STK39: variants seen among roughly 807,000 people sequenced by gnomAD.
The protein encoded by STK39 is serine/threonine kinase 39.
A neutral mutation model predicts 77.8 loss-of-function variants in STK39; 20 were observed. The ratio of observed to expected loss-of-function variants is 0.26; its 90% confidence interval spans 0.18 to 0.37. The LOEUF is 0.37. STK39 is among the 10% of genes least tolerant of loss of function. STK39 has a pLI of 1.00. For synonymous variants in STK39, 246 were observed against 234.1 expected (o/e 1.05, Z -0.47); for missense variants, 479 against 656.5 (o/e 0.73, Z 2.95).
chr2:168,225,703 C>T (rs983337024), intron 1 of STK39, among the ~76,000 whole-genome samples: 6 of 152,112 alleles, frequency 3.9e-5, no homozygotes, highest in Non-Finnish European at 7.4e-5. Flanking sequence ...AAAGAAAGTA[C>T]ATTAGATCAG....
chr2:168,081,834 A>G (rs7585671), intron 10 of STK39, among the ~76,000 whole-genome samples: 2,636 of 152,260 alleles, frequency 0.017, 74 homozygotes, highest in African/African-American at 0.061. Flanking sequence ...GATGGTTTTA[A>G]AAAGAGAAGT....
rs1216099147 is a variant in STK39 at position 168,247,210 on chromosome 2, C to T, written c.208+18G>A. The T allele has an allele frequency of 3.3e-6, 4 of 1,197,644 alleles. No individual in the cohort carries two copies. In the South Asian group the frequency reaches 9.8e-5, roughly 29 times the overall value. 74.2% of individuals were successfully genotyped at this position (1,197,644 alleles called of 1,614,324 possible). Reference sequence around the variant, plus strand: ...GGCGCCCGGCCTGTGCCGGCCCCGCCGCGCCCGCCGCACTGACCGATAACC... The same window carrying T: ...GGCGCCCGGCCTGTGCCGGCCCCGCTGCGCCCGCCGCACTGACCGATAACC... On this transcript the variant is annotated intron_variant, in intron 1 of 17. Transcript: ENST00000355999.
intron 5 of STK39, among the ~76,000 whole-genome samples, chr2:168,145,625 C>A (rs150143222): frequency 6.6e-6 from 1 of 152,070 alleles, no homozygotes; most frequent in Non-Finnish European, 1.5e-5. Flanking sequence ...TAATTTAGTC[C>A]GCAAAACTAA....
intron 17 of STK39, among the ~76,000 whole-genome samples, chr2:167,960,655 G>A (rs1375586747): frequency 6.6e-6 from 1 of 152,102 alleles, no homozygotes; most frequent in Non-Finnish European, 1.5e-5. Flanking sequence ...ATGACAGCAG[G>A]TGTGGCCTGC....
intron 14 of STK39, among the ~76,000 whole-genome samples, chr2:168,051,569 C>T (rs1685395726): frequency 6.6e-6 from 1 of 152,164 alleles, no homozygotes; most frequent in South Asian, 2.1e-4. Context: ...CTCCTGGCTA[C>T]AATGCTGTGG....
At chr2:167,958,481 TC>T (rs1165134572) in intron 17 of STK39, among the ~76,000 whole-genome samples, 1 of 152,178 alleles carries the variant, frequency 6.6e-6, no homozygotes, top group Non-Finnish European at 1.5e-5. Flanking sequence ...TAACCATAGT[TC>T]CCCTACCCAC....
chr2:168,179,089 A>G (rs1689020613), intron 2 of STK39, among the ~76,000 whole-genome samples: 2 of 152,138 alleles, frequency 1.3e-5, no homozygotes, highest in African/African-American at 4.8e-5. Flanking sequence ...CACTCTCACA[A>G]GAAGAGATCC....
chr2:168,095,623 C>CTTTTT lies in STK39; in HGVS notation c.1090-20397_1090-20393dup, dbSNP rs567675524. Among the ~76,000 whole-genome samples, 297 of 116,008 alleles carry CTTTTT rather than the reference C, an allele frequency of 2.6e-3. 5 individuals are homozygous for CTTTTT. Among genetic ancestry groups the CTTTTT allele is most frequent in the African/African-American group, 8.5e-3 (243 of 28,490 alleles). The allele number at this position is 116,008 out of a possible 152,430, so 76.1% of individuals were successfully genotyped here. On this transcript the variant is annotated intron_variant, in intron 10 of 17. Transcript: ENST00000355999. ...CTGCTAGCCACTCGTGTATCTCTTT[C>CTTTTT]TTTTTTTTTTTTTTTTTTTTTAAGA...
chr2:168,128,537 CCACAT>C (rs1328816415), intron 10 of STK39, among the ~76,000 whole-genome samples: 2 of 152,220 alleles, frequency 1.3e-5, no homozygotes, highest in Non-Finnish European at 2.9e-5. Context: ...CCAGCCCACC[CCACAT>C]AATTCTTCTG....
At chr2:168,089,163 T>G (rs1010684679) in intron 10 of STK39, among the ~76,000 whole-genome samples, 18 of 152,306 alleles carry the variant, frequency 1.2e-4, no homozygotes, top group African/African-American at 4.1e-4. Flanking sequence ...GTGCCTGATT[T>G]TTCCCTCCAA....
chr2:168,104,035 G>A (rs187873512), intron 10 of STK39, among the ~76,000 whole-genome samples: 5 of 152,216 alleles, frequency 3.3e-5, no homozygotes, highest in South Asian at 2.1e-4. Context: ...CACACCAGCC[G>A]ACATGGGGAA....
At chr2:168,150,105 C>G (rs940881536) in intron 5 of STK39, among the ~76,000 whole-genome samples, 1 of 152,182 alleles carries the variant, frequency 6.6e-6, no homozygotes, top group African/African-American at 2.4e-5. Context: ...GAACGCACAT[C>G]GAAGAAGAGA....
At chr2:167,968,784 T>C (rs1313738655) in intron 16 of STK39, among the ~76,000 whole-genome samples, 4 of 152,250 alleles carry the variant, frequency 2.6e-5, no homozygotes, top group Non-Finnish European at 5.9e-5. Flanking sequence ...AGGTTTCTTA[T>C]GGATACTGCT....
intron 1 of STK39, among the ~76,000 whole-genome samples, chr2:168,217,005 C>T (rs1690041583): frequency 6.6e-6 from 1 of 152,204 alleles, no homozygotes; most frequent in South Asian, 2.1e-4. Context: ...TCAGCAGAAG[C>T]AGACATGCTC....
chr2:168,132,330 C>G (rs1240733921), intron 8 of STK39, among the ~76,000 whole-genome samples: 1 of 152,122 alleles, frequency 6.6e-6, no homozygotes, highest in South Asian at 2.1e-4. Flanking sequence ...CAGCTAGTGT[C>G]TCACTACTTC....
intron 16 of STK39, among the ~76,000 whole-genome samples, chr2:167,998,017 T>C (rs1006290686): frequency 6.6e-6 from 1 of 152,236 alleles, no homozygotes; most frequent in African/African-American, 2.4e-5. Flanking sequence ...TGTCATTCTA[T>C]GTTTTTGTTA....
At chr2:168,065,437 G>C in intron 12 of STK39, 56 bp from the exon 13 acceptor site, 1 of 1,558,756 alleles carries the variant, frequency 6.4e-7, no homozygotes, top group South Asian at 1.1e-5. Flanking sequence ...GACACGGTGA[G>C]TGTGGTTACA....
intron 16 of STK39, among the ~76,000 whole-genome samples, chr2:167,991,290 T>C (rs1683694698): frequency 1.3e-5 from 2 of 151,882 alleles, no homozygotes; most frequent in Non-Finnish European, 1.5e-5. Context: ...GAACATTAAG[T>C]TGTATGCCTG....
intron 10 of STK39, among the ~76,000 whole-genome samples, chr2:168,083,813 A>G (rs1406104114): frequency 6.6e-6 from 1 of 151,980 alleles, no homozygotes; most frequent in African/African-American, 2.4e-5. Flanking sequence ...TCAAAGGCCT[A>G]TAGGAGGCAA....
Sources: allele counts gnomAD v4.1 joint callset (sites outside exome capture counted in the v4.1 genomes callset), GRCh38; gene constraint gnomAD v4.1.1; transcripts MANE v1.5; gene names NCBI Gene and HGNC (gene_info 2026-07-23, HGNC 2026-07-21).